Variants in CD99 observed in about 807,000 individuals in gnomAD.
The protein encoded by CD99 is CD99 molecule (Xg blood group).
A neutral mutation model predicts 28.4 loss-of-function variants in CD99; 19 were observed. The ratio of observed to expected loss-of-function variants is 0.67; its 90% CI spans 0.47 to 0.98. The LOEUF is 0.98. CD99 is among the 50% of genes least tolerant of loss of function. The probability of loss-of-function intolerance (pLI) is 0.00; values close to 1 mark genes in which losing one functional copy is unlikely to be tolerated. For missense variants in CD99, 283 were observed against 248.8 expected (o/e 1.14, Z -0.92); for synonymous variants, 103 against 92.1 (o/e 1.12, Z -0.67).
chrX:2,717,609 T>C lies in CD99; in HGVS notation c.105T>C (p.Asn35=). 6.2e-7 allele frequency: 1 copy of C among 1,613,352 alleles called. No individual in the cohort carries two copies. Among genetic ancestry groups the C allele is most frequent in the Non-Finnish European group, 8.5e-7 (1 of 1,179,340 alleles). Residue 35 remains asparagine, a synonymous_variant, in exon 3 of 10, where the codon AAT becomes AAC. Coordinates refer to ENST00000381192, the MANE Select transcript of CD99 (RefSeq NM_002414.5). ...TGAAATATCTTATCTCTTTAGACAATGAAAACAAGAAACCCACTGCAATCC... is the reference window on the plus strand; with the variant it reads ...TGAAATATCTTATCTCTTTAGACAACGAAAACAAGAAACCCACTGCAATCC... ...GFDLSDALPD[N]ENKKPTAIPK...
chrX:2,737,884 G>T, intron 8 of CD99: 12 of 493,466 alleles, frequency 2.4e-5, no homozygotes, highest in East Asian at 3.9e-5. Context: ...TTTATAGAAA[G>T]AGCTTCCATG....
chrX:2,723,990 G>T (rs2049138076), intron 7 of CD99, among the ~76,000 whole-genome samples: 1 of 138,788 alleles, frequency 7.2e-6, no homozygotes, highest in Admixed American at 6.9e-5. Flanking sequence ...AGGAAGGAGG[G>T]ATGGAGAGAA....
intron 2 of CD99, chrX:2,715,253 G>A (rs4892886): frequency 0.27 from 41,580 of 151,906 alleles, 5,854 homozygotes; most frequent in South Asian, 0.4. Flanking sequence ...TTTGTTTTCC[G>A]GGGCTGCCAT....
rs191997113 is a variant in CD99, at chrX:2,701,430, G to A, written c.67+10003G>A. On this transcript the variant is annotated intron_variant, in intron 1 of 9. Coordinates refer to ENST00000381192, the MANE Select transcript of CD99 (RefSeq NM_002414.5). ...CCAGGGCATCAATTTGGGCATAAAA[G>A]CACCATTGTGGATGGAAGGCCTGGA... is the stretch of plus-strand genomic sequence containing the variant. 5.3e-3 allele frequency among the ~76,000 whole-genome samples: 814 copies of A among 152,338 alleles called. 7 individuals carry two copies. Among genetic ancestry groups the A allele is most frequent in the African/African-American group, 0.018 (744 of 41,570 alleles).
chrX:2,723,246 C>A, intron 6 of CD99, 68 bp from the exon 7 acceptor site: 2 of 1,516,228 alleles, frequency 1.3e-6, no homozygotes, highest in Non-Finnish European at 1.8e-6. Flanking sequence ...AGCCTCTTCA[C>A]GGTCCTGGCT....
At chrX:2,725,545 T>A in intron 7 of CD99, among the ~76,000 whole-genome samples, 1 of 152,234 alleles carries the variant, frequency 6.6e-6, no homozygotes, top group East Asian at 1.9e-4. Context: ...TGCAGGTCTT[T>A]GCTTCTTTAT....
chrX:2,738,071 A>C, intron 8 of CD99, 129 bp from the exon 9 acceptor site: 1 of 840,724 alleles, frequency 1.2e-6, no homozygotes, highest in Non-Finnish European at 2.1e-6. Flanking sequence ...CTCGGGGTTC[A>C]GAACTGAGTG....
intron 8 of CD99, chrX:2,727,401 C>T (rs745520625): frequency 4.3e-5 from 33 of 765,002 alleles, no homozygotes; most frequent in African/African-American, 3.9e-4. Context: ...TGGGCACTTA[C>T]ATTTAGCTCT....
intron 7 of CD99, 115 bp downstream of exon 7, chrX:2,723,479 A>G (rs2049106664): frequency 1.7e-6 from 2 of 1,210,680 alleles, no homozygotes; most frequent in Admixed American, 1.7e-5. Flanking sequence ...AGCTACTGGC[A>G]GGAGGCACGG....
At chrX:2,694,203 G>A (rs911190801) in intron 1 of CD99, among the ~76,000 whole-genome samples, 2 of 151,988 alleles carry the variant, frequency 1.3e-5, no homozygotes, top group Non-Finnish European at 2.9e-5. Context: ...AAACATCTAC[G>A]GAACCGACAT....
At chrX:2,720,948 A>G (rs2124090887) in intron 5 of CD99, among the ~76,000 whole-genome samples, 1 of 152,256 alleles carries the variant, frequency 6.6e-6, no homozygotes, top group South Asian at 2.1e-4. Context: ...TTTGTTTCCA[A>G]GTTCCATCTT....
intron 2 of CD99, 77 bp from the exon 3 acceptor site, chrX:2,717,528 C>T: frequency 8.7e-7 from 1 of 1,151,438 alleles, no homozygotes. Flanking sequence ...GAAAATGAAA[C>T]ATCCTTAACC....
intron 7 of CD99, among the ~76,000 whole-genome samples, chrX:2,725,799 A>G (rs182948429): frequency 5.9e-5 from 9 of 152,144 alleles, no homozygotes; most frequent in African/African-American, 2.2e-4. Flanking sequence ...TTTTTCGTAG[A>G]GACGGGTTTT....
intron 2 of CD99, chrX:2,717,398 C>T: frequency 1.8e-6 from 1 of 561,700 alleles, no homozygotes; most frequent in Non-Finnish European, 3.2e-6. Flanking sequence ...TCTGTGGAAA[C>T]CATGGCCGGT....
chrX:2,693,711 C>T (rs1436175914), intron 1 of CD99, among the ~76,000 whole-genome samples: 2 of 152,028 alleles, frequency 1.3e-5, no homozygotes, highest in African/African-American at 4.8e-5. Flanking sequence ...TTCATAAATT[C>T]TCAGGGGTAC....
chrX:2,698,185 CTTTTTTT>C (rs749180860), intron 1 of CD99, among the ~76,000 whole-genome samples: 1 of 134,814 alleles, frequency 7.4e-6, no homozygotes, highest in Non-Finnish European at 1.6e-5. Flanking sequence ...TTCTTTGTTT[CTTTTTTT>C]TTTTTTTTTT....
chrX:2,740,707 G>A (rs899874411), intron 9 of CD99, 72 bp from the exon 10 acceptor site: 2 of 1,515,772 alleles, frequency 1.3e-6, no homozygotes, highest in African/African-American at 2.8e-5. Flanking sequence ...GCTCCTGAAA[G>A]TTGTAGGAAC....
rs71281938 is a variant in CD99, at chrX:2,720,620, CTTTTT to C, written c.262+214_262+218del. Among the ~76,000 whole-genome samples, 11 of 83,928 alleles carry C rather than the reference CTTTTT, an allele frequency of 1.3e-4. No homozygotes were observed. In the South Asian group the frequency reaches 4.4e-3, roughly 33 times the overall value. The allele number at this position is 83,928 out of a possible 152,430, so 55.1% of individuals were successfully genotyped here. On this transcript the variant is annotated intron_variant, in intron 5 of 9. Transcript: ENST00000381192. ...TAGCTTGGATTTTATTTTTAGTTTG[CTTTTT>C]TTTTTTTTTTTTTTTTTGAGACAGA...
chrX:2,714,517 G>T lies in CD99; in HGVS notation c.100+63G>T, dbSNP rs1366667720. The T allele has an allele frequency of 3.7e-6, 5 of 1,337,762 alleles. No individual in the cohort carries two copies. In the African/African-American group the frequency reaches 5.7e-5, roughly 15 times the overall value. 82.9% of individuals were successfully genotyped at this position (1,337,762 alleles called of 1,614,324 possible). On this transcript the variant is annotated intron_variant, in intron 2 of 9. Transcript: ENST00000381192. The stretch of plus-strand genomic sequence containing the variant: ...TTTTATGTTAACATAGTATATACAG[G>T]CATATCCCAGCCATTTCCAGCTAGG...
Sources: gnomAD v4.1 joint callset for allele counts (sites outside exome capture counted in the v4.1 genomes callset) on GRCh38, gnomAD v4.1.1 for gene constraint, MANE v1.5 for transcripts, NCBI Gene and HGNC (gene_info 2026-07-23, HGNC 2026-07-21) for gene names.